The following BNC2 variants were observed in gnomAD, a reference collection of about 807,000 sequenced individuals.
The protein encoded by BNC2 is zinc finger protein basonuclin-2.
In BNC2, 20 loss-of-function variants were observed where a neutral mutation model predicts 76.3. The observed-to-expected ratio is 0.26, with a 90% CI of 0.18 to 0.38. BNC2 has a LOEUF of 0.38. Ranked by LOEUF, BNC2 falls within the 10% of genes least tolerant of loss-of-function variation. BNC2 has a pLI of 1.00. For synonymous variants in BNC2, 582 were observed against 514.8 expected, an observed-to-expected ratio of 1.13 and a Z score of -1.77; for missense variants, 1,382 against 1,399.8, an observed-to-expected ratio of 0.99 and a Z score of 0.20.
At chr9:16,611,270 C>A (rs1382549776) in intron 3 of BNC2, among the ~76,000 whole-genome samples, 3 of 152,144 alleles carry the variant, frequency 2.0e-5, no homozygotes, top group Admixed American at 6.5e-5. Flanking sequence ...CCAAAGCATC[C>A]ATCCAGCCAG....
At chr9:16,743,660 A>G (rs1272815884) in intron 1 of BNC2, among the ~76,000 whole-genome samples, 1 of 152,146 alleles carries the variant, frequency 6.6e-6, no homozygotes, top group Non-Finnish European at 1.5e-5. Flanking sequence ...TCTGAACCAC[A>G]CTGGTTTTCT....
At chr9:16,716,857 C>T (rs1824009871) in intron 3 of BNC2, among the ~76,000 whole-genome samples, 1 of 152,128 alleles carries the variant, frequency 6.6e-6, no homozygotes, top group African/African-American at 2.4e-5. Context: ...GAATGTAATC[C>T]CTGAACATAT....
intron 3 of BNC2, among the ~76,000 whole-genome samples, chr9:16,644,730 T>C (rs1372292300): frequency 2.0e-5 from 3 of 152,158 alleles, no homozygotes; most frequent in Middle Eastern, 3.2e-3. Flanking sequence ...AGTAAATAAG[T>C]AGCACATATC....
At chr9:16,627,283 A>G (rs1391355690) in intron 3 of BNC2, among the ~76,000 whole-genome samples, 2 of 152,220 alleles carry the variant, frequency 1.3e-5, no homozygotes, top group Non-Finnish European at 2.9e-5. Flanking sequence ...TCTCAATAGC[A>G]GGCTATGGGA....
intron 3 of BNC2, among the ~76,000 whole-genome samples, chr9:16,646,200 A>C (rs2133899240): frequency 6.6e-6 from 1 of 152,330 alleles, no homozygotes; most frequent in East Asian, 1.9e-4. Flanking sequence ...AATACCCAGA[A>C]GCCTGAGAAT....
In BNC2 at chr9:16,484,592, G is replaced by A. The variant is rs115458366; in HGVS notation, c.670-47068C>T. On this transcript the variant is annotated intron_variant, in intron 5 of 6. Transcript: ENST00000380672. ...GTACACCCCAATAAAATAATCATGC[G>A]TTAAAAACAGAGCTGGCTGGCATGC... Among the ~76,000 whole-genome samples, 1,063 of 152,248 alleles carry A rather than the reference G, an allele frequency of 7.0e-3. 15 individuals are homozygous for A. The highest frequency in any genetic ancestry group is 0.024 in the African/African-American group (1,002 of 41,548).
intron 1 of BNC2, among the ~76,000 whole-genome samples, chr9:16,834,253 T>C (rs1166597504): frequency 2.0e-5 from 3 of 152,220 alleles, no homozygotes; most frequent in Non-Finnish European, 4.4e-5. Context: ...TAATTTCTAC[T>C]CTTAACTATA....
At chr9:16,651,479 A>AG (rs1821792710) in intron 3 of BNC2, among the ~76,000 whole-genome samples, 1 of 152,160 alleles carries the variant, frequency 6.6e-6, no homozygotes, top group African/African-American at 2.4e-5. Flanking sequence ...AAAACAATAC[A>AG]GGGTTTGGGT....
At chr9:16,703,831 T>C (rs1308221927) in intron 3 of BNC2, among the ~76,000 whole-genome samples, 1 of 152,174 alleles carries the variant, frequency 6.6e-6, no homozygotes, top group African/African-American at 2.4e-5. Context: ...AATGTATCAA[T>C]GGAAAAGTAA....
chr9:16,835,197 G>A (rs1041873176), intron 1 of BNC2, among the ~76,000 whole-genome samples: 54 of 152,254 alleles, frequency 3.5e-4, no homozygotes, highest in African/African-American at 1.2e-3. Context: ...AACATTATTC[G>A]TCTTTTCTGC....
At position 16,448,600 on chromosome 9, in the gene BNC2, A is replaced by G. The variant is rs907698240; in HGVS notation, c.670-11076T>C. Among the ~76,000 whole-genome samples, 3 of 152,180 alleles carry G rather than the reference A, an allele frequency of 2.0e-5. No homozygotes were observed. The South Asian group carries it at 6.2e-4, about 32-fold the overall frequency. On this transcript the variant is annotated intron_variant, in intron 5 of 6. Coordinates refer to ENST00000380672, the MANE Select transcript of BNC2 (RefSeq NM_017637.6). ...CATTAGGATGTGAGGGAGCAGGGCGAGAAAGGGATGGAATACTTAGTAAGC... is the reference window on the plus strand; with the variant it reads ...CATTAGGATGTGAGGGAGCAGGGCGGGAAAGGGATGGAATACTTAGTAAGC...
chr9:16,601,630 G>C (rs1820247042), intron 3 of BNC2, among the ~76,000 whole-genome samples: 2 of 152,138 alleles, frequency 1.3e-5, no homozygotes, highest in South Asian at 4.2e-4. Flanking sequence ...GAAAATGATG[G>C]AGAGGGGAAG....
At chr9:16,598,463 C>T (rs747196750) in intron 3 of BNC2, among the ~76,000 whole-genome samples, 3 of 152,112 alleles carry the variant, frequency 2.0e-5, no homozygotes, top group Non-Finnish European at 4.4e-5. Context: ...AGTTGCTGTT[C>T]AGAAATCACT....
At position 16,751,596 on chromosome 9, in the gene BNC2, C is replaced by T. The variant is rs564774347; in HGVS notation, c.4-13111G>A. Among the ~76,000 whole-genome samples, 24 of 62,688 alleles carry T rather than the reference C, an allele frequency of 3.8e-4. No individual in the cohort carries two copies. In the South Asian group the frequency reaches 0.011, roughly 29 times the overall value. 41.1% of individuals were successfully genotyped at this position (62,688 alleles called of 152,430 possible). On this transcript the variant is annotated intron_variant, in intron 1 of 6. Transcript: ENST00000380672. Reference sequence around the variant, plus strand: ...GTTCTAGAAATATAAAGCTGCTGTCCCCAGCACAAATATATATATGTGTAT... The same window carrying T: ...GTTCTAGAAATATAAAGCTGCTGTCTCCAGCACAAATATATATATGTGTAT...
intron 5 of BNC2, chr9:16,476,169 T>C (rs1169402393): frequency 1.3e-5 from 2 of 152,218 alleles, no homozygotes; most frequent in Non-Finnish European, 2.9e-5. Flanking sequence ...GTTCCACTGC[T>C]ACTAGAAGCC....
At chr9:16,522,522 G>C (rs548485906) in intron 5 of BNC2, among the ~76,000 whole-genome samples, 1 of 152,288 alleles carries the variant, frequency 6.6e-6, no homozygotes, top group African/African-American at 2.4e-5. Flanking sequence ...GAGACTTTCT[G>C]ATGCTTTTCA....
chr9:16,495,402 A>G (rs1822366655), intron 5 of BNC2, among the ~76,000 whole-genome samples: 1 of 152,218 alleles, frequency 6.6e-6, no homozygotes, highest in Non-Finnish European at 1.5e-5. Flanking sequence ...ACCACTGTGG[A>G]CTTAAGCAGA....
intron 1 of BNC2, among the ~76,000 whole-genome samples, chr9:16,777,390 A>C (rs1825997847): frequency 6.6e-6 from 1 of 152,082 alleles, no homozygotes; most frequent in Non-Finnish European, 1.5e-5. Context: ...ATCAAACCTC[A>C]GGGAAATTAT....
At chr9:16,684,037 T>C (rs942962711) in intron 3 of BNC2, among the ~76,000 whole-genome samples, 2 of 152,208 alleles carry the variant, frequency 1.3e-5, no homozygotes, top group African/African-American at 2.4e-5. Flanking sequence ...CCTGTAAATA[T>C]AACATTTTCT....
Sources: allele counts gnomAD v4.1 joint callset (sites outside exome capture counted in the v4.1 genomes callset), GRCh38; gene constraint gnomAD v4.1.1; transcripts MANE v1.5; gene names NCBI Gene and HGNC (gene_info 2026-07-23, HGNC 2026-07-21).